The following TRPM1 variants were observed in gnomAD, a reference collection of about 807,000 sequenced individuals.
TRPM1 encodes the protein TRPM1-203 APA Isoform, Intron 10.
Under a neutral mutation model 149.4 loss-of-function variants are expected in TRPM1, and 113 were observed. The ratio of observed to expected loss-of-function variants is 0.76; its 90% CI spans 0.65 to 0.88. The LOEUF (loss-of-function observed/expected upper bound fraction) is 0.88. TRPM1 is among the 40% of genes least tolerant of loss of function. The probability of loss-of-function intolerance (pLI) is 0.00; values close to 1 mark genes in which losing one functional copy is unlikely to be tolerated. For synonymous variants in TRPM1, 741 were observed against 759.5 expected, an observed-to-expected ratio of 0.98 and a Z score of 0.40; for missense variants, 1,976 against 2,038.7, an observed-to-expected ratio of 0.97 and a Z score of 0.59.
chr15:31,056,741 T>C (rs1347073563), intron 11 of TRPM1, among the ~76,000 whole-genome samples: 1 of 152,186 alleles, frequency 6.6e-6, no homozygotes, highest in African/African-American at 2.4e-5. Context: ...TTTTAAGAGT[T>C]CAGCCCTCTC....
At chr15:31,104,934 T>G (rs2035583297), upstream of TRPM1, among the ~76,000 whole-genome samples, 1 of 152,270 alleles carries the variant, frequency 6.6e-6, no homozygotes, top group African/African-American at 2.4e-5. Context: ...TCTTCTTTAT[T>G]TGTTAGCTGG....
chr15:31,150,444 T>C (rs1374165592), intron 1 of TRPM1, among the ~76,000 whole-genome samples: 1 of 147,902 alleles, frequency 6.8e-6, no homozygotes, highest in Non-Finnish European at 1.5e-5. Flanking sequence ...TTTTTTTTTT[T>C]TTTTTTTTTT....
intron 2 of TRPM1, 127 bp from the exon 3 acceptor site, chr15:31,077,111 G>GCA: frequency 1.4e-6 from 1 of 699,478 alleles, no homozygotes; most frequent in Non-Finnish European, 2.6e-6. Flanking sequence ...CAATAATGGT[G>GCA]GATGCAAGTC....
At chr15:31,149,900 G>A (rs998602113) in intron 1 of TRPM1, among the ~76,000 whole-genome samples, 1 of 152,224 alleles carries the variant, frequency 6.6e-6, no homozygotes, top group Non-Finnish European at 1.5e-5. Flanking sequence ...CTGTTGGCGA[G>A]CATTGACGAT....
intron 1 of TRPM1, among the ~76,000 whole-genome samples, chr15:31,126,443 G>C (rs918022815): frequency 1.3e-5 from 2 of 152,096 alleles, no homozygotes; most frequent in African/African-American, 4.8e-5. Flanking sequence ...AACCCAGTTT[G>C]GTAGATGTTC....
intron 20 of TRPM1, 100 bp downstream of exon 20, chr15:31,037,610 AT>A: frequency 6.6e-7 from 1 of 1,517,812 alleles, no homozygotes; most frequent in Non-Finnish European, 9.1e-7. Context: ...AATTCAGTGA[AT>A]TTTTAGATAC....
chr15:31,125,678 C>T (rs12902681), intron 1 of TRPM1, among the ~76,000 whole-genome samples: 66,835 of 124,950 alleles, frequency 0.53, 17,960 homozygotes, highest in Middle Eastern at 0.63. Flanking sequence ...TGCAGTGAGC[C>T]GAGATCCCGC....
At chr15:31,076,191 A>G (rs2034686333) in intron 3 of TRPM1, among the ~76,000 whole-genome samples, 1 of 152,138 alleles carries the variant, frequency 6.6e-6, no homozygotes, top group African/African-American at 2.4e-5. Context: ...GGCAAGGGGC[A>G]GCTTGGGGAT....
At chr15:31,106,449 T>A (rs984695658), upstream of TRPM1, among the ~76,000 whole-genome samples, 1 of 152,136 alleles carries the variant, frequency 6.6e-6, no homozygotes, top group African/African-American at 2.4e-5. Context: ...ACAAGTAAAC[T>A]TAAAAAAAAA....
rs567852964 is a variant in TRPM1, at chr15:31,062,542, C to A, written c.1089+37G>T. ...TTAGAAAAGGAAACATAATTCTCTCCACAGAGCTTGTTTGGAAATAAATTC... is the reference window on the plus strand; with the variant it reads ...TTAGAAAAGGAAACATAATTCTCTCAACAGAGCTTGTTTGGAAATAAATTC... On this transcript the variant is annotated intron_variant, in intron 9 of 27. Coordinates refer to ENST00000256552, the MANE Select transcript of TRPM1 (RefSeq NM_001252024.2). 50 of 1,613,148 alleles carry A rather than the reference C, an allele frequency of 3.1e-5. No homozygotes were observed. In the African/African-American group the frequency reaches 5.6e-4, roughly 18 times the overall value.
chr15:31,116,051 C>T (rs2035793550), intron 1 of TRPM1, among the ~76,000 whole-genome samples: 1 of 152,040 alleles, frequency 6.6e-6, no homozygotes, highest in East Asian at 1.9e-4. Context: ...CTCCCTAATG[C>T]CCCAGTTCTT....
chr15:31,098,378 C>T (rs573161296), intron 1 of TRPM1, among the ~76,000 whole-genome samples: 8 of 152,204 alleles, frequency 5.3e-5, no homozygotes, highest in African/African-American at 1.2e-4. Context: ...TGCGGTGAGC[C>T]GAGATCATGC....
At chr15:31,071,445 G>A (rs1339517876) in intron 3 of TRPM1, among the ~76,000 whole-genome samples, 5 of 152,102 alleles carry the variant, frequency 3.3e-5, no homozygotes, top group Non-Finnish European at 1.5e-5. Context: ...GCCCTTGCCA[G>A]AAGGCTTTCT....
intron 16 of TRPM1, among the ~76,000 whole-genome samples, chr15:31,044,445 T>C (rs2140933353): frequency 6.6e-6 from 1 of 152,164 alleles, no homozygotes; most frequent in East Asian, 1.9e-4. Context: ...GGAAAGAAAG[T>C]TTAAGAAAAT....
At position 31,057,330 on chromosome 15, in the gene TRPM1, A is replaced by G. The variant is rs376222226; in HGVS notation, c.1263+3214T>C. ...TGCATATTCTCATAAGTGGGAGCTA[A>G]ATGATGAGAACACATGGACACATAG... On this transcript the variant is annotated intron_variant, in intron 11 of 27. Transcript: ENST00000256552. 1.6e-4 allele frequency among the ~76,000 whole-genome samples: 24 copies of G among 152,300 alleles called. No homozygotes were observed. The East Asian group carries it at 4.4e-3, about 28-fold the overall frequency.
At chr15:31,136,182 G>A (rs530892281) in intron 1 of TRPM1, among the ~76,000 whole-genome samples, 4 of 152,192 alleles carry the variant, frequency 2.6e-5, no homozygotes, top group Admixed American at 2.0e-4. Flanking sequence ...AGGTTGCAGC[G>A]CCTCCTCTGG....
chr15:31,072,906 C>T (rs2034597519), intron 3 of TRPM1, among the ~76,000 whole-genome samples: 1 of 151,880 alleles, frequency 6.6e-6, no homozygotes, highest in African/African-American at 2.4e-5. Flanking sequence ...TTTCCGTATT[C>T]TGGATACAAG....
chr15:31,072,038 G>A (rs1472095241), intron 3 of TRPM1, among the ~76,000 whole-genome samples: 1 of 142,952 alleles, frequency 7.0e-6, no homozygotes, highest in Non-Finnish European at 1.5e-5. Context: ...GAGAGAGAGA[G>A]AGAGAGAGAG....
At chr15:31,060,667 T>A (rs1473609585) in intron 10 of TRPM1, 23 bp from the exon 11 acceptor site, 1 of 1,606,556 alleles carries the variant, frequency 6.2e-7, no homozygotes, top group Non-Finnish European at 8.5e-7. Flanking sequence ...GAAACCGGAA[T>A]GATTTTTCAC....
Sources: gnomAD v4.1 joint callset for allele counts (sites outside exome capture counted in the v4.1 genomes callset) on GRCh38, gnomAD v4.1.1 for gene constraint, MANE v1.5 for transcripts, NCBI Gene and HGNC (gene_info 2026-07-23, HGNC 2026-07-21) for gene names.